Variants in SMPDL3B observed in about 807,000 individuals in gnomAD.
The protein encoded by SMPDL3B is sphingomyelin phosphodiesterase acid like 3B, also known as acid sphingomyelinase-like phosphodiesterase 3b.
In SMPDL3B, 31 loss-of-function variants were observed where a neutral mutation model predicts 37.9. The observed-to-expected ratio is 0.82, with a 90% CI of 0.61 to 1.10. The LOEUF (loss-of-function observed/expected upper bound fraction) is 1.10. Ranked by LOEUF, SMPDL3B falls within the 50% of genes least tolerant of loss-of-function variation. SMPDL3B has a pLI of 0.00. For synonymous variants in SMPDL3B, 235 were observed against 242.6 expected, an observed-to-expected ratio of 0.97 and a Z score of 0.29; for missense variants, 525 against 597.8, an observed-to-expected ratio of 0.88 and a Z score of 1.27.
intron 1 of SMPDL3B, chr1:27,941,519 T>A (rs1171332293): frequency 6.6e-6 from 1 of 152,312 alleles, no homozygotes; most frequent in Admixed American, 6.5e-5. Context: ...ACGGGCTTGG[T>A]GCTCTCATGG....
intron 1 of SMPDL3B, among the ~76,000 whole-genome samples, chr1:27,939,441 C>T (rs532483106): frequency 2.6e-4 from 39 of 152,224 alleles, no homozygotes; most frequent in African/African-American, 9.4e-4. Flanking sequence ...ACCTCAAACT[C>T]CTGGACTTTA....
intron 2 of SMPDL3B, 67 bp from the exon 3 acceptor site, chr1:27,948,997 TG>T (rs1172116030): frequency 1.9e-6 from 3 of 1,610,500 alleles, no homozygotes; most frequent in Non-Finnish European, 2.5e-6. Flanking sequence ...ACTGCAGAGC[TG>T]TCCCTTCCTT....
intron 3 of SMPDL3B, among the ~76,000 whole-genome samples, chr1:27,953,011 T>G (rs778464741): frequency 6.6e-6 from 1 of 152,230 alleles, no homozygotes; most frequent in Admixed American, 6.5e-5. Context: ...GGGACTGTGA[T>G]GAAAGAACCC....
In SMPDL3B at chr1:27,945,523, C is replaced by A. The variant is rs2090399872; in HGVS notation, c.275+78C>A. On this transcript the variant is annotated intron_variant, in intron 2 of 7. Transcript: ENST00000373894. The surrounding 1 kb of genome is among the most constrained non-coding windows in gnomAD (Gnocchi z 4.0). ...ACATACCAGTCTGGCCCTTTGCCCA[C>A]ATTATCTCCCTTAATCCTCACATCA... is the stretch of plus-strand genomic sequence containing the variant. The A allele has an allele frequency of 1.7e-5, 19 of 1,127,968 alleles. No homozygotes were observed. Among genetic ancestry groups the A allele is most frequent in the Non-Finnish European group, 2.4e-5 (18 of 753,652 alleles). The allele number at this position is 1,127,968 out of a possible 1,614,324, so 69.9% of individuals were successfully genotyped here.
rs765462578 is a variant in SMPDL3B at position 27,949,210 on chromosome 1, C to T, written c.373+48C>T. On this transcript the variant is annotated intron_variant, in intron 3 of 7. Coordinates refer to ENST00000373894, the MANE Select transcript of SMPDL3B (RefSeq NM_014474.4). ...TCCACAGTGTTCTCGGAACTCTAGG[C>T]ACTGCCTGGCACAGTGGGACAACAG... 8 of 1,578,916 alleles carry T rather than the reference C, an allele frequency of 5.1e-6. No individual in the cohort carries two copies. The African/African-American group carries it at 1.1e-4, about 21-fold the overall frequency.
intron 1 of SMPDL3B, among the ~76,000 whole-genome samples, chr1:27,943,643 C>T (rs969331113): frequency 2.6e-5 from 4 of 152,066 alleles, no homozygotes; most frequent in South Asian, 2.1e-4. Context: ...CTTGTTTTAT[C>T]GAGAAACAGG....
chr1:27,951,204 C>T (rs1006380557), intron 3 of SMPDL3B, among the ~76,000 whole-genome samples: 13 of 152,150 alleles, frequency 8.5e-5, no homozygotes, highest in African/African-American at 3.1e-4. Context: ...AAAACAGCTA[C>T]CAATTATAAT....
chr1:27,954,223 T>A, intron 4 of SMPDL3B, 131 bp from the exon 5 acceptor site: 1 of 882,552 alleles, frequency 1.1e-6, no homozygotes, highest in Middle Eastern at 3.6e-4. Flanking sequence ...TCCAGATTGA[T>A]GTCCCACCCA....
chr1:27,958,428 G>C lies in SMPDL3B; in HGVS notation c.1006-48G>C, dbSNP rs1384900607. 1.3e-6 allele frequency: 2 copies of C among 1,553,276 alleles called. No homozygotes were observed. The highest frequency in any genetic ancestry group is 1.7e-6 in the Non-Finnish European group (2 of 1,145,208). ...AAATGCAAGGTGCAGGATGGGGATG[G>C]AAGCAGACAACTGCTCACAGCCGGT... On this transcript the variant is annotated intron_variant, in intron 7 of 7. Coordinates refer to ENST00000373894, the MANE Select transcript of SMPDL3B (RefSeq NM_014474.4). This position sits in a 1 kb window ranked among gnomAD's most constrained non-coding sequence, Gnocchi z 5.6.
chr1:27,953,313 T>C lies in SMPDL3B; in HGVS notation c.472T>C (p.Trp158Arg), dbSNP rs941469079. The change falls in exon 4 of 8, where the codon TGG becomes CGG. Residue 158 changes from tryptophan (W) to arginine (R), a missense_variant. By Grantham distance (101) the Trp-to-Arg change is moderately radical. Transcript: ENST00000373894. Reference protein sequence around the residue: ...NNIYNQIAELWKPWLSNESIA... With the variant: ...NNIYNQIAELRKPWLSNESIA... ...CATCTACAATCAGATAGCAGAACTA[T>C]GGAAACCCTGGCTTAGTAATGAGTC... 6.2e-6 allele frequency: 10 copies of C among 1,614,002 alleles called. No individual in the cohort carries two copies. In the East Asian group the frequency reaches 1.3e-4, roughly 22 times the overall value.
intron 4 of SMPDL3B, 22 bp downstream of exon 4, chr1:27,953,380 A>G (rs1423781204): frequency 6.3e-7 from 1 of 1,591,052 alleles, no homozygotes; most frequent in South Asian, 1.1e-5. Context: ...ACCTGCTCCT[A>G]TCAAGAGCAC....
At chr1:27,935,738 G>A (rs1382959042) in intron 1 of SMPDL3B, among the ~76,000 whole-genome samples, 1 of 152,222 alleles carries the variant, frequency 6.6e-6, no homozygotes, top group Non-Finnish European at 1.5e-5. Flanking sequence ...AGGGAAGGCG[G>A]GTTGTGGGGA....
intron 3 of SMPDL3B, among the ~76,000 whole-genome samples, chr1:27,950,768 T>C (rs1056264111): frequency 1.8e-4 from 27 of 152,220 alleles, no homozygotes; most frequent in Non-Finnish European, 3.8e-4. Flanking sequence ...GTAGCTGGAC[T>C]CTAGGCATCC....
Position 27,953,287 on chromosome 1 carries a change from A to G in SMPDL3B, c.446A>G (p.Asn149Ser). Residue 149 changes from asparagine (N) to serine (S), a missense_variant, in exon 4 of 8, where the codon AAC (asparagine) becomes AGC (serine). Transcript: ENST00000373894. Reference sequence around the variant, plus strand: ...AACCAGTTCCCAGCTGGAAGTAACAACATCTACAATCAGATAGCAGAACTA... The same window carrying G: ...AACCAGTTCCCAGCTGGAAGTAACAGCATCTACAATCAGATAGCAGAACTA... ...PKNQFPAGSN[N>S]IYNQIAELWK... The G allele has an allele frequency of 6.2e-7, 1 of 1,613,794 alleles. No homozygotes were observed. The highest frequency in any genetic ancestry group is 8.5e-7 in the Non-Finnish European group (1 of 1,179,678).
Position 27,945,905 on chromosome 1 carries a change from C to T in SMPDL3B, c.275+460C>T, listed in dbSNP as rs552144971. On this transcript the variant is annotated intron_variant, in intron 2 of 7. Transcript: ENST00000373894. This position sits in a 1 kb window ranked among gnomAD's most constrained non-coding sequence, Gnocchi z 4.0. ...GCCACCCCTGGGCTGCCCAGTGGTC[C>T]TGGATTTTCTCACCAGTCAGAGCTC... Among the ~76,000 whole-genome samples, 148 of 152,208 alleles carry T rather than the reference C, an allele frequency of 9.7e-4. No homozygotes were observed. Among genetic ancestry groups the T allele is most frequent in the African/African-American group, 3.5e-3 (145 of 41,528 alleles).
intron 7 of SMPDL3B, 89 bp downstream of exon 7, chr1:27,956,171 C>T (rs762082422): frequency 6.2e-7 from 1 of 1,612,138 alleles, no homozygotes; most frequent in South Asian, 1.1e-5. Flanking sequence ...ATCCACCTTC[C>T]CCTGACCACT....
chr1:27,948,840 T>G (rs1314019413), intron 2 of SMPDL3B, among the ~76,000 whole-genome samples: 1 of 152,210 alleles, frequency 6.6e-6, no homozygotes, highest in Non-Finnish European at 1.5e-5. Flanking sequence ...TAATAGAGGC[T>G]CAGAGAGGTT....
At chr1:27,957,569 G>C (rs1221584556) in intron 7 of SMPDL3B, among the ~76,000 whole-genome samples, 1 of 152,184 alleles carries the variant, frequency 6.6e-6, no homozygotes, top group Non-Finnish European at 1.5e-5. Context: ...TGGGAGTGGA[G>C]AGAGGACATT....
At position 27,945,335 on chromosome 1, in the gene SMPDL3B, C is replaced by T. The variant is rs780627580; in HGVS notation, c.165C>T (p.Asp55=). 130 of 1,614,084 alleles carry T rather than the reference C, an allele frequency of 8.1e-5. No homozygotes were observed. The highest frequency in any genetic ancestry group is 1.6e-4 in the Middle Eastern group (1 of 6,084). ...CPSAGSQPVP[D]AGPWGDYLCD... is the part of the protein sequence containing the mutation. ...CAGCTGGATCCCAGCCAGTGCCCGA[C>T]GCAGGCCCCTGGGGTGACTACCTCT... The change falls in exon 2 of 8, where the codon GAC becomes GAT. Residue 55 remains aspartate, a synonymous_variant. Coordinates refer to ENST00000373894, the MANE Select transcript of SMPDL3B (RefSeq NM_014474.4). This position sits in a 1 kb window ranked among gnomAD's most constrained non-coding sequence, Gnocchi z 4.0.
Sources: allele counts gnomAD v4.1 joint callset (sites outside exome capture counted in the v4.1 genomes callset), GRCh38; gene constraint gnomAD v4.1.1; non-coding constraint Gnocchi (gnomAD v3.1); transcripts MANE v1.5; gene names NCBI Gene and HGNC (gene_info 2026-07-23, HGNC 2026-07-21).